The following DCPH1 variants were observed in gnomAD, a reference collection of about 807,000 sequenced individuals.
DCPH1 encodes damage control phosphatase 1.
the DCPH1 span, chr6:151,454,521 T>C: frequency 9.2e-7 from 1 of 1,081,944 alleles, no homozygotes; most frequent in Middle Eastern, 2.0e-4. Context: ...GCTGCTAAGT[T>C]ATATATTGCA....
the DCPH1 span, chr6:151,468,270 C>T: frequency 1.0e-6 from 1 of 971,018 alleles, no homozygotes; most frequent in African/African-American, 1.6e-5. Flanking sequence ...AATGTCCCCC[C>T]ATCCCGCTAC....
At chr6:151,459,732 A>T in the DCPH1 span, among the ~76,000 whole-genome samples, 2 of 152,192 alleles carry the variant, frequency 1.3e-5, no homozygotes, top group Non-Finnish European at 2.9e-5. Context: ...CGGAGGTTCC[A>T]GTAGCCAAGA....
the DCPH1 span, among the ~76,000 whole-genome samples, chr6:151,453,349 T>C: frequency 6.6e-6 from 1 of 152,198 alleles, no homozygotes; most frequent in Admixed American, 6.5e-5. Context: ...AGTAATACTT[T>C]CCAATTAAAG....
chr6:151,463,224 C>CT, the DCPH1 span, among the ~76,000 whole-genome samples: 6 of 152,188 alleles, frequency 3.9e-5, no homozygotes, highest in Non-Finnish European at 8.8e-5. Context: ...CCTTGAGAGA[C>CT]TGACTGATTT....
At chr6:151,452,674 C>G in the DCPH1 span, 1 of 1,348,022 alleles carries the variant, frequency 7.4e-7, no homozygotes, top group Non-Finnish European at 1.0e-6. Context: ...CGCCCGCTCC[C>G]CGGTGGGCTG....
the DCPH1 span, among the ~76,000 whole-genome samples, chr6:151,465,775 C>T: frequency 1.3e-5 from 2 of 152,102 alleles, no homozygotes; most frequent in Non-Finnish European, 2.9e-5. Flanking sequence ...TTAGTGACAT[C>T]ACCAGAGCCT....
At chr6:151,467,183 C>T in the DCPH1 span, among the ~76,000 whole-genome samples, 1 of 151,034 alleles carries the variant, frequency 6.6e-6, no homozygotes, top group African/African-American at 2.4e-5. Context: ...ACCCGTGAGG[C>T]AGAGGTGCAG....
At chr6:151,453,627 A>G in the DCPH1 span, among the ~76,000 whole-genome samples, 30 of 152,222 alleles carry the variant, frequency 2.0e-4, no homozygotes, top group Non-Finnish European at 3.8e-4. Context: ...TTTTGAAGAA[A>G]TACCCAAGTT....
the DCPH1 span, chr6:151,452,660 A>G: frequency 7.0e-7 from 1 of 1,428,258 alleles, no homozygotes; most frequent in Non-Finnish European, 9.5e-7. Context: ...GACTAAGCGG[A>G]GGGCGCCCGC....
the DCPH1 span, chr6:151,454,513 T>C: frequency 1.0e-6 from 1 of 1,001,074 alleles, no homozygotes; most frequent in Non-Finnish European, 1.6e-6. Context: ...GTATTGATGC[T>C]GCTAAGTTAT....
the DCPH1 span, chr6:151,464,408 A>G: frequency 7.0e-7 from 1 of 1,436,282 alleles, no homozygotes; most frequent in East Asian, 2.3e-5. Flanking sequence ...CAGTTATCCA[A>G]ATGTACAAAC....
chr6:151,464,795 C>T, the DCPH1 span, among the ~76,000 whole-genome samples: 1 of 152,202 alleles, frequency 6.6e-6, no homozygotes, highest in Non-Finnish European at 1.5e-5. Context: ...TATTTTTCTG[C>T]TCTCACTGGC....
At chr6:151,455,122 T>G in the DCPH1 span, among the ~76,000 whole-genome samples, 1 of 152,230 alleles carries the variant, frequency 6.6e-6, no homozygotes, top group African/African-American at 2.4e-5. Context: ...AAGTTGGGAC[T>G]CATTAGCATT....
At chr6:151,456,795 C>T in the DCPH1 span, among the ~76,000 whole-genome samples, 9 of 152,180 alleles carry the variant, frequency 5.9e-5, no homozygotes, top group Non-Finnish European at 1.2e-4. Context: ...GCATTACAGG[C>T]GTGAGCCACT....
At chr6:151,463,325 C>T in the DCPH1 span, among the ~76,000 whole-genome samples, 4 of 152,096 alleles carry the variant, frequency 2.6e-5, no homozygotes, top group Non-Finnish European at 5.9e-5. Flanking sequence ...AATTAGTCTT[C>T]CTGTATTTTT....
chr6:151,453,332 G>T, the DCPH1 span, among the ~76,000 whole-genome samples: 19,026 of 152,122 alleles, frequency 0.13, 1,300 homozygotes, highest in East Asian at 0.2. Flanking sequence ...GTAGTAGTTA[G>T]GAAAACAGTA....
the DCPH1 span, chr6:151,468,211 AT>A: frequency 4.9e-6 from 3 of 609,800 alleles, no homozygotes; most frequent in African/African-American, 5.6e-5. Context: ...GAAAGTATAG[AT>A]TTGATGGTCA....
the DCPH1 span, chr6:151,464,642 GA>G: frequency 1.9e-6 from 3 of 1,539,292 alleles, no homozygotes; most frequent in Non-Finnish European, 2.6e-6. Flanking sequence ...TTAATCTTCT[GA>G]GTATGTTTTA....
the DCPH1 span, among the ~76,000 whole-genome samples, chr6:151,454,854 TTC>T: frequency 2.6e-5 from 4 of 152,246 alleles, no homozygotes; most frequent in Non-Finnish European, 5.9e-5. Context: ...CAATAATTAA[TTC>T]TGTCAGTTAT....
Sources: allele counts gnomAD v4.1 joint callset (sites outside exome capture counted in the v4.1 genomes callset), GRCh38; gene constraint gnomAD v4.1.1; transcripts MANE v1.5; gene names NCBI Gene and HGNC (gene_info 2026-07-23, HGNC 2026-07-21).